EYS: variants seen among roughly 807,000 people sequenced by gnomAD.
The protein encoded by EYS is protein eyes shut homolog.
Under a neutral mutation model 282.1 loss-of-function variants are expected in EYS, and 250 were observed. The observed-to-expected ratio is 0.89, with a 90% confidence interval of 0.80 to 0.98. The LOEUF (loss-of-function observed/expected upper bound fraction) is 0.98. Among genes scored for constraint, EYS ranks in the 50% least tolerant of loss-of-function variants. The pLI is 0.00. For missense variants in EYS, 4,016 were observed against 3,709.0 expected, an observed-to-expected ratio of 1.08 and a Z score of -2.15; for synonymous variants, 1,355 against 1,282.9, an observed-to-expected ratio of 1.06 and a Z score of -1.20.
intron 24 of EYS, among the ~76,000 whole-genome samples, chr6:64,608,476 A>C (rs1452291389): frequency 6.6e-6 from 1 of 152,226 alleles, no homozygotes; most frequent in African/African-American, 2.4e-5. Context: ...GTGCGAATGC[A>C]AAATGGTACA....
At chr6:64,304,734 T>TA (rs1376842320) in intron 30 of EYS, among the ~76,000 whole-genome samples, 7 of 152,222 alleles carry the variant, frequency 4.6e-5, no homozygotes, top group African/African-American at 1.7e-4. Context: ...AGAAAATTTA[T>TA]AAATTTGTGG....
intron 31 of EYS, among the ~76,000 whole-genome samples, chr6:64,190,527 A>T (rs771176408): frequency 2.0e-5 from 3 of 152,182 alleles, no homozygotes; most frequent in African/African-American, 4.8e-5. Flanking sequence ...ATGCCAAACA[A>T]AGCATATTTT....
At chr6:65,552,625 T>G (rs757497515) in intron 2 of EYS, among the ~76,000 whole-genome samples, 29 of 152,182 alleles carry the variant, frequency 1.9e-4, no homozygotes, top group Admixed American at 3.3e-4. Context: ...TTATTAATCA[T>G]GTGCAGATGC....
intron 22 of EYS, among the ~76,000 whole-genome samples, chr6:64,742,017 T>C (rs1562165946): frequency 1.3e-5 from 2 of 152,182 alleles, no homozygotes; most frequent in Non-Finnish European, 2.9e-5. Flanking sequence ...GGCTATTTGG[T>C]GCAAGAGGCC....
At chr6:64,536,299 C>T (rs960157542) in intron 26 of EYS, among the ~76,000 whole-genome samples, 5 of 151,922 alleles carry the variant, frequency 3.3e-5, no homozygotes, top group African/African-American at 1.2e-4. Flanking sequence ...ACAAATGGAA[C>T]AAAAGGGGAA....
At chr6:64,879,901 A>C (rs1346404532) in intron 19 of EYS, among the ~76,000 whole-genome samples, 1 of 152,036 alleles carries the variant, frequency 6.6e-6, no homozygotes. Context: ...TGCCATTTAG[A>C]AATATAGAGG....
chr6:63,892,121 G>A lies in EYS; in HGVS notation c.7056-27763C>T, dbSNP rs544870539. The stretch of plus-strand genomic sequence containing the variant: ...AAAAACATTCCATGCTCATGCACGG[G>A]AATAATCAATATTGTGAAAATGGCC... On this transcript the variant is annotated intron_variant, in intron 35 of 42. Transcript: ENST00000503581. Among the ~76,000 whole-genome samples the A allele has an allele frequency of 2.6e-5, 4 of 152,242 alleles. No individual in the cohort carries two copies. The South Asian group carries it at 6.2e-4, about 24-fold the overall frequency.
intron 29 of EYS, among the ~76,000 whole-genome samples, chr6:64,385,431 G>A (rs1369586491): frequency 1.3e-5 from 2 of 152,164 alleles, no homozygotes; most frequent in African/African-American, 2.4e-5. Context: ...AACAAGGAGG[G>A]AAAACCTGCT....
intron 2 of EYS, among the ~76,000 whole-genome samples, chr6:65,538,513 A>G (rs975153064): frequency 3.9e-5 from 6 of 152,152 alleles, no homozygotes; most frequent in African/African-American, 1.4e-4. Flanking sequence ...TGCTATTTGT[A>G]AAACAAGTAC....
intron 33 of EYS, among the ~76,000 whole-genome samples, chr6:64,036,523 T>C (rs2149833955): frequency 6.6e-6 from 1 of 152,266 alleles, no homozygotes; most frequent in East Asian, 1.9e-4. Context: ...TTATGGAAGA[T>C]GGATTAGAGA....
At chr6:64,389,209 G>C (rs1773017280) in intron 28 of EYS, among the ~76,000 whole-genome samples, 1 of 152,086 alleles carries the variant, frequency 6.6e-6, no homozygotes, top group African/African-American at 2.4e-5. Flanking sequence ...TTTCAATGCA[G>C]TCATACAGTG....
rs118052603 is a variant in EYS at position 64,325,452 on chromosome 6, A to G, written c.6079-18370T>C. Among the ~76,000 whole-genome samples, 1,229 of 152,290 alleles carry G rather than the reference A, an allele frequency of 8.1e-3. 18 individuals are homozygous for G. Among genetic ancestry groups the G allele is most frequent in the East Asian group, 0.049 (251 of 5,174 alleles). ...CTAGACCTTTCCTCTGACAGAGCCT[A>G]CCCAAATGAAAAGGAACTAGATAAC... On this transcript the variant is annotated intron_variant, in intron 29 of 42. Coordinates refer to ENST00000503581, the MANE Select transcript of EYS (RefSeq NM_001142800.2).
intron 22 of EYS, among the ~76,000 whole-genome samples, chr6:64,745,221 G>C (rs1271279774): frequency 1.3e-5 from 2 of 152,038 alleles, no homozygotes; most frequent in Non-Finnish European, 2.9e-5. Context: ...TGACTGTTCT[G>C]AGATATGTAT....
intron 2 of EYS, among the ~76,000 whole-genome samples, chr6:65,603,916 G>T (rs1765692774): frequency 1.3e-5 from 2 of 151,672 alleles, no homozygotes; most frequent in African/African-American, 4.8e-5. Flanking sequence ...TAGAAAAATT[G>T]TCATACAGAA....
chr6:64,633,737 A>G (rs9363033), intron 22 of EYS, among the ~76,000 whole-genome samples: 1 of 151,948 alleles, frequency 6.6e-6, no homozygotes, highest in Admixed American at 6.6e-5. Flanking sequence ...TAGACAGTCT[A>G]TCATAAAGAA....
intron 14 of EYS, among the ~76,000 whole-genome samples, chr6:64,979,317 C>T (rs1484675990): frequency 6.6e-6 from 1 of 151,650 alleles, no homozygotes; most frequent in Admixed American, 6.6e-5. Context: ...TTTTCCTACA[C>T]AGAAATGAAA....
At chr6:63,938,824 G>A (rs1765148828) in intron 35 of EYS, among the ~76,000 whole-genome samples, 2 of 152,282 alleles carry the variant, frequency 1.3e-5, no homozygotes, top group South Asian at 4.1e-4. Context: ...GTGTACTCAA[G>A]GGTGCTGAGT....
At chr6:64,216,605 TC>T (rs1765936297) in intron 31 of EYS, among the ~76,000 whole-genome samples, 1 of 152,172 alleles carries the variant, frequency 6.6e-6, no homozygotes, top group South Asian at 2.1e-4. Flanking sequence ...TTTATACAAT[TC>T]CTGCATAACA....
At chr6:63,747,005 G>C (rs770184393) in intron 41 of EYS, among the ~76,000 whole-genome samples, 46 of 151,964 alleles carry the variant, frequency 3.0e-4, no homozygotes, top group Non-Finnish European at 5.4e-4. Flanking sequence ...TGCTTCTCCT[G>C]TTCTTTTAAT....
Sources: allele counts gnomAD v4.1 joint callset (sites outside exome capture counted in the v4.1 genomes callset), GRCh38; gene constraint gnomAD v4.1.1; transcripts MANE v1.5; gene names NCBI Gene and HGNC (gene_info 2026-07-23, HGNC 2026-07-21).